Variants in NUP210 observed in about 807,000 individuals in gnomAD.
The protein encoded by NUP210 is nucleoporin 210.
In NUP210, 151 loss-of-function variants were observed where a neutral mutation model predicts 196.0. The ratio of observed to expected loss-of-function variants is 0.77; its 90% CI spans 0.67 to 0.88. The LOEUF is 0.88. Among genes scored for constraint, NUP210 ranks in the 40% least tolerant of loss-of-function variants. The probability of loss-of-function intolerance (pLI) is 0.00; values close to 1 mark genes in which losing one functional copy is unlikely to be tolerated. For synonymous variants in NUP210, 1,070 were observed against 1,052.7 expected, an observed-to-expected ratio of 1.02 and a Z score of -0.32; for missense variants, 2,314 against 2,493.7, an observed-to-expected ratio of 0.93 and a Z score of 1.53.
chr3:13,377,067 A>C (rs1445004422), intron 9 of NUP210, among the ~76,000 whole-genome samples: 1 of 152,196 alleles, frequency 6.6e-6, no homozygotes, highest in Non-Finnish European at 1.5e-5. Flanking sequence ...AGTACGGAGA[A>C]AGCCAGGACG....
intron 1 of NUP210, among the ~76,000 whole-genome samples, chr3:13,406,371 GA>G (rs1375653009): frequency 6.6e-6 from 1 of 152,214 alleles, no homozygotes; most frequent in Non-Finnish European, 1.5e-5. Context: ...GTGAGGAACA[GA>G]GGAACCACTG....
chr3:13,403,459 ACCTCAAATGCCATCGCCTTGGGGAT>A (rs1299201215), intron 1 of NUP210, among the ~76,000 whole-genome samples: 9 of 152,246 alleles, frequency 5.9e-5, no homozygotes, highest in South Asian at 4.2e-4. Context: ...CAAAGGTGCT[ACCTCAAATGCCATCGCCTTGGGGAT>A]CCTCAAATGC....
chr3:13,397,505 A>G lies in NUP210; in HGVS notation c.305-17T>C, dbSNP rs7628923. ...GGCCTGTGGCTGGAGGAACCCCAGG[A>G]AGGGGTCAGCACCAAAGACAGTCCC... On this transcript the variant is annotated splice_polypyrimidine_tract_variant and intron_variant, in intron 2 of 39. Transcript: ENST00000254508. 236,765 of 1,582,126 alleles carry G rather than the reference A, an allele frequency of 0.15. 24,274 individuals are homozygous for G. The highest frequency in any genetic ancestry group is 0.52 in the African/African-American group (38,599 of 73,582).
chr3:13,403,515 G>A (rs1286727358), intron 1 of NUP210, among the ~76,000 whole-genome samples: 1 of 152,202 alleles, frequency 6.6e-6, no homozygotes, highest in Non-Finnish European at 1.5e-5. Context: ...GGGATGAGGT[G>A]TCAACACATG....
chr3:13,353,739 T>A lies in NUP210; in HGVS notation c.2522-79A>T, dbSNP rs143762668. The A allele has an allele frequency of 2.8e-4, 386 of 1,372,356 alleles. 1 individual carries two copies. In the African/African-American group the frequency reaches 4.3e-3, roughly 15 times the overall value. The allele number at this position is 1,372,356 out of a possible 1,614,324, so 85.0% of individuals were successfully genotyped here. ...GAAGCAGCCCCTCCCTCCTTCTGATTTGCAGTTTCGAATCTGAAAACAGAC... is the reference window on the plus strand; with the variant it reads ...GAAGCAGCCCCTCCCTCCTTCTGATATGCAGTTTCGAATCTGAAAACAGAC... On this transcript the variant is annotated intron_variant, in intron 17 of 39. Transcript: ENST00000254508.
In NUP210 at chr3:13,319,778, G is replaced by A. The variant is rs760202031; in HGVS notation, c.5368C>T (p.Arg1790Cys). Residue 1790 changes from arginine (R) to cysteine (C), a missense_variant, in exon 37 of 40, where the codon CGT becomes TGT. Transcript: ENST00000254508. ...CGTGACTCACAAGGACCGGGCCCAC[G>A]GCGATCCACCACAAAAGCCACTGTC... ...PVTVAFVVDR[R>C]GPGPYGASLF... is the part of the protein sequence containing the mutation. The A allele has an allele frequency of 2.1e-5, 34 of 1,613,996 alleles. No individual in the cohort carries two copies. In the South Asian group the frequency reaches 2.3e-4, roughly 11 times the overall value.
At chr3:13,338,690 T>C (rs570386752) in intron 25 of NUP210, among the ~76,000 whole-genome samples, 1 of 152,288 alleles carries the variant, frequency 6.6e-6, no homozygotes. Context: ...CAGAATCACA[T>C]TCCAGGCATG....
chr3:13,349,801 T>C (rs1301353172), intron 20 of NUP210, among the ~76,000 whole-genome samples: 1 of 152,292 alleles, frequency 6.6e-6, no homozygotes, highest in Middle Eastern at 3.4e-3. Flanking sequence ...GAAAGGCAAC[T>C]GGGAGGTGAC....
At chr3:13,359,082 TTGA>T (rs1698284150) in intron 15 of NUP210, among the ~76,000 whole-genome samples, 1 of 152,150 alleles carries the variant, frequency 6.6e-6, no homozygotes. Flanking sequence ...TAACATGCAC[TTGA>T]TGGAGGACAC....
intron 12 of NUP210, 125 bp from the exon 13 acceptor site, chr3:13,372,157 G>A (rs1698753306): frequency 5.6e-6 from 5 of 891,668 alleles, no homozygotes; most frequent in Admixed American, 5.8e-5. Context: ...AGCCTGTCAC[G>A]GGCAGTGGGG....
At chr3:13,335,877 A>C (rs1388839400) in intron 27 of NUP210, among the ~76,000 whole-genome samples, 1 of 152,218 alleles carries the variant, frequency 6.6e-6, no homozygotes, top group Non-Finnish European at 1.5e-5. Flanking sequence ...CACTGGGCCC[A>C]CCCACGTAAG....
chr3:13,407,432 A>G (rs989762662), intron 1 of NUP210, among the ~76,000 whole-genome samples: 3 of 152,084 alleles, frequency 2.0e-5, no homozygotes, highest in Admixed American at 6.5e-5. Flanking sequence ...AGGCCTCCCA[A>G]TGATACCACC....
In NUP210 at chr3:13,371,998, G is replaced by A. The variant is rs1225629675; in HGVS notation, c.1622C>T (p.Ala541Val). The change falls in exon 13 of 40, where the codon GCC (alanine) becomes GTC (valine). Residue 541 changes from alanine to valine, a missense_variant. By Grantham distance (64) the Ala-to-Val change is moderately conservative (BLOSUM62 0). Coordinates refer to ENST00000254508, the MANE Select transcript of NUP210 (RefSeq NM_024923.4). ...CACACGTGCCTCCACCTGGCACGGG[G>A]CAAACTCCATGCTGTGGGGCTCGAT... is the stretch of plus-strand genomic sequence containing the variant. ...YVIEPHSMEF[A>V]PCQVEARVGQ... 3.8e-6 allele frequency: 6 copies of A among 1,593,550 alleles called. No individual in the cohort carries two copies. The highest frequency in any genetic ancestry group is 4.3e-6 in the Non-Finnish European group (5 of 1,169,622).
At position 13,350,269 on chromosome 3, in the gene NUP210, T is replaced by C. The variant is rs1697921344; in HGVS notation, c.2835+1610A>G. 6.6e-6 allele frequency among the ~76,000 whole-genome samples: 1 copy of C among 151,958 alleles called. No individual in the cohort carries two copies. ...AACACAGCCTGTGTGTTTGTGTGTG[T>C]GTGCGCGTGTGTTTTTGTGTCTTCA... On this transcript the variant is annotated intron_variant, in intron 20 of 39. Coordinates refer to ENST00000254508, the MANE Select transcript of NUP210 (RefSeq NM_024923.4). This position sits in a 1 kb window ranked among gnomAD's most constrained non-coding sequence, Gnocchi z 4.1.
chr3:13,367,020 G>A (rs565627575), intron 13 of NUP210, among the ~76,000 whole-genome samples: 163 of 152,132 alleles, frequency 1.1e-3, no homozygotes, highest in Non-Finnish European at 1.8e-3. Context: ...CAGCTACTCC[G>A]GAGGCTGAGA....
intron 20 of NUP210, 93 bp downstream of exon 20, chr3:13,351,786 A>G (rs1033776962): frequency 1.2e-6 from 1 of 837,286 alleles, no homozygotes; most frequent in East Asian, 2.5e-5. Context: ...GTGTGAGTCA[A>G]GTGCTAGCTT....
In NUP210 at chr3:13,376,389, C is replaced by A. The variant is rs979809749; in HGVS notation, c.1195G>T (p.Val399Leu). 1.9e-6 allele frequency: 3 copies of A among 1,614,234 alleles called. No homozygotes were observed. The highest frequency in any genetic ancestry group is 2.7e-5 in the African/African-American group (2 of 75,064). ...ETVLPAEFFE[V>L]LSSSQNGSYH... ...GACCCATTCTGGGAGGACGAGAGCACCTCGAAGAACTCAGCAGGAAGCACA... is the reference window on the plus strand; with the variant it reads ...GACCCATTCTGGGAGGACGAGAGCAACTCGAAGAACTCAGCAGGAAGCACA... The change falls in exon 10 of 40, where the codon GTG becomes TTG. Residue 399 changes from valine (V) to leucine (L), a missense_variant. Physicochemically the swap from Val to Leu is conservative, Grantham distance 32 (BLOSUM62 1). Transcript: ENST00000254508.
chr3:13,401,258 T>TTAAAAAAAAAA (rs1162470689), intron 1 of NUP210, among the ~76,000 whole-genome samples: 1 of 16,506 alleles, frequency 6.1e-5, no homozygotes, highest in Non-Finnish European at 1.0e-4. Flanking sequence ...AGACTCTGGC[T>TTAAAAAAAAAA]CAAAAAAAAA....
intron 1 of NUP210, among the ~76,000 whole-genome samples, chr3:13,406,494 C>T (rs1255320033): frequency 6.6e-6 from 1 of 152,224 alleles, no homozygotes; most frequent in African/African-American, 2.4e-5. Flanking sequence ...TCTGGAGACA[C>T]AGCACTCAAG....
Sources: allele counts gnomAD v4.1 joint callset (sites outside exome capture counted in the v4.1 genomes callset), GRCh38; gene constraint gnomAD v4.1.1; non-coding constraint Gnocchi (gnomAD v3.1); transcripts MANE v1.5; gene names NCBI Gene and HGNC (gene_info 2026-07-23, HGNC 2026-07-21).